ATP2A2: variants seen among roughly 807,000 people sequenced by gnomAD.
ATP2A2 encodes the protein ATPase sarcoplasmic/endoplasmic reticulum Ca2+ transporting 2, also known as sarcoplasmic/endoplasmic reticulum calcium ATPase 2.
In ATP2A2, 14 loss-of-function variants were observed where a neutral mutation model predicts 109.3. The observed-to-expected ratio is 0.13, with a 90% CI of 0.08 to 0.20. The LOEUF (loss-of-function observed/expected upper bound fraction) is 0.20, where lower values mean the gene tolerates loss of function less well. ATP2A2 is among the 10% of genes least tolerant of loss of function. The pLI is 1.00. For missense variants in ATP2A2, 657 were observed against 1,321.6 expected, an observed-to-expected ratio of 0.50 and a Z score of 7.80; for synonymous variants, 506 against 490.9, an observed-to-expected ratio of 1.03 and a Z score of -0.41.
chr12:110,285,848 T>C (rs1343799036), intron 3 of ATP2A2, among the ~76,000 whole-genome samples: 1 of 152,124 alleles, frequency 6.6e-6, no homozygotes, highest in African/African-American at 2.4e-5. Flanking sequence ...TCTCAACCTT[T>C]AGGTTACATT....
chr12:110,300,204 T>A (rs1303785231), intron 5 of ATP2A2, among the ~76,000 whole-genome samples: 5 of 134,922 alleles, frequency 3.7e-5, no homozygotes, highest in African/African-American at 5.9e-5. Context: ...TTTTTTTTTT[T>A]AACTTGGAGA....
Position 110,348,463 on chromosome 12 carries a change from T to C in ATP2A2, c.*1993T>C, listed in dbSNP as rs1880094067. Reference sequence around the variant, plus strand: ...GGATGGCCAGTAGATGTAATGCAGATGGTTGGAGTTTGGGGAGGGTTAGGA... The same window carrying C: ...GGATGGCCAGTAGATGTAATGCAGACGGTTGGAGTTTGGGGAGGGTTAGGA... On this transcript the variant is annotated 3_prime_UTR_variant, in exon 20 of 20. Coordinates refer to ENST00000539276, the MANE Select transcript of ATP2A2 (RefSeq NM_170665.4). 2 of 985,414 alleles carry C rather than the reference T, an allele frequency of 2.0e-6. No homozygotes were observed. Among genetic ancestry groups the C allele is most frequent in the Non-Finnish European group, 1.2e-6 (1 of 830,020 alleles). The allele number at this position is 985,414 out of a possible 1,614,324, so 61.0% of individuals were successfully genotyped here.
chr12:110,321,689 C>A (rs1877262914), intron 5 of ATP2A2, among the ~76,000 whole-genome samples: 1 of 152,204 alleles, frequency 6.6e-6, no homozygotes, highest in Admixed American at 6.5e-5. Flanking sequence ...CCCGCCTCAG[C>A]CTCCCAAAGT....
At position 110,336,184 on chromosome 12, in the gene ATP2A2, T is replaced by C. The variant is rs531968645; in HGVS notation, c.1419+2041T>C. Among the ~76,000 whole-genome samples, 9 of 152,292 alleles carry C rather than the reference T, an allele frequency of 5.9e-5. No homozygotes were observed. In the East Asian group the frequency reaches 1.5e-3, roughly 26 times the overall value. On this transcript the variant is annotated intron_variant, in intron 11 of 19. Transcript: ENST00000539276. ...CCATGGGGCTGCCAGTCAGTACTTT[T>C]GCAGCCTCTTTATAGGACATTGTTG...
rs1433657793 is a variant in ATP2A2, at chr12:110,346,484, A to C, written c.*14A>C. On this transcript the variant is annotated 3_prime_UTR_variant, in exon 20 of 20. Coordinates refer to ENST00000539276, the MANE Select transcript of ATP2A2 (RefSeq NM_170665.4). ...TTCTGGTCTTGACTGACAGTTTTCCATAAAGAAGATGTTTAACTTAATCAA... is the reference window on the plus strand; with the variant it reads ...TTCTGGTCTTGACTGACAGTTTTCCCTAAAGAAGATGTTTAACTTAATCAA... 6.2e-7 allele frequency: 1 copy of C among 1,614,210 alleles called. No homozygotes were observed. Among genetic ancestry groups the C allele is most frequent in the South Asian group, 1.1e-5 (1 of 91,084 alleles).
intron 18 of ATP2A2, 146 bp from the exon 19 acceptor site, chr12:110,345,855 T>C: frequency 3.7e-6 from 3 of 802,922 alleles, no homozygotes; most frequent in Non-Finnish European, 4.3e-6. Flanking sequence ...TCTTCAACTT[T>C]GCCACTGTAG....
chr12:110,285,777 C>T (rs1872594309), intron 3 of ATP2A2, among the ~76,000 whole-genome samples: 1 of 152,124 alleles, frequency 6.6e-6, no homozygotes, highest in Non-Finnish European at 1.5e-5. Flanking sequence ...ACCGTCGTTT[C>T]CCATGTCAGC....
At chr12:110,298,402 G>T (rs1322506710) in intron 5 of ATP2A2, among the ~76,000 whole-genome samples, 1 of 152,226 alleles carries the variant, frequency 6.6e-6, no homozygotes, top group East Asian at 1.9e-4. Context: ...AGAATGAAAT[G>T]TCTTGGCTAT....
At chr12:110,329,386 C>T (rs972557266) in intron 8 of ATP2A2, 4 of 152,140 alleles carry the variant, frequency 2.6e-5, no homozygotes, top group African/African-American at 9.7e-5. Context: ...TTGCTTTATT[C>T]TGTGTATTCA....
At position 110,301,985 on chromosome 12, in the gene ATP2A2, A is replaced by G. The variant is rs1396886985; in HGVS notation, c.463+5248A>G. Among the ~76,000 whole-genome samples, 2 of 152,074 alleles carry G rather than the reference A, an allele frequency of 1.3e-5. 1 individual carries two copies. Among genetic ancestry groups the G allele is most frequent in the South Asian group, 4.1e-4 (2 of 4,826 alleles). On this transcript the variant is annotated intron_variant, in intron 5 of 19. Transcript: ENST00000539276. Reference sequence around the variant, plus strand: ...ACCCTGACCTATCTCGCTTTCTCACACTGAAATTTCATTTTCTATATTGTA... The same window carrying G: ...ACCCTGACCTATCTCGCTTTCTCACGCTGAAATTTCATTTTCTATATTGTA...
At chr12:110,306,918 C>G (rs1482083424) in intron 5 of ATP2A2, among the ~76,000 whole-genome samples, 1 of 152,068 alleles carries the variant, frequency 6.6e-6, no homozygotes, top group Non-Finnish European at 1.5e-5. Context: ...CCCACCACGC[C>G]CAACTAATTT....
chr12:110,301,311 C>A lies in ATP2A2; in HGVS notation c.463+4574C>A, dbSNP rs527493752. ...CAACTGTGATACCTCAAAGCACCAT[C>A]CTTTTTGAAGAAAGAGACAAAAGCC... On this transcript the variant is annotated intron_variant, in intron 5 of 19. Coordinates refer to ENST00000539276, the MANE Select transcript of ATP2A2 (RefSeq NM_170665.4). Among the ~76,000 whole-genome samples the A allele has an allele frequency of 4.7e-4, 71 of 152,338 alleles. 1 individual carries two copies. The highest frequency in any genetic ancestry group is 2.7e-3 in the South Asian group (13 of 4,824).
In ATP2A2 at chr12:110,339,595, G is replaced by A; in HGVS notation, c.1635G>A (p.Met545Ile). 6.2e-7 allele frequency: 1 copy of A among 1,614,192 alleles called. No homozygotes were observed. Among genetic ancestry groups the A allele is most frequent in the Non-Finnish European group, 8.5e-7 (1 of 1,180,042 alleles). Residue 545 changes from methionine (M) to isoleucine (I), a missense_variant, in exon 13 of 20, where the codon ATG becomes ATA. Transcript: ENST00000539276. The surrounding 1 kb of genome is among the most constrained non-coding windows in gnomAD (Gnocchi z 4.4). ...CCTCTGGAGTCAAACAGAAGATCATGTCTGTCATTCGAGAGTGGGGTAGTG... is the reference window on the plus strand; with the variant it reads ...CCTCTGGAGTCAAACAGAAGATCATATCTGTCATTCGAGAGTGGGGTAGTG... ...PMTSGVKQKI[M>I]SVIREWGSGS...
At chr12:110,333,107 CG>C (rs144655160) in intron 9 of ATP2A2, 73 bp from the exon 10 acceptor site, 17,794 of 1,245,670 alleles carry the variant, frequency 0.014, 449 homozygotes, top group African/African-American at 0.099. Context: ...TAAACAATTG[CG>C]GGGGGGCAGG....
intron 5 of ATP2A2, among the ~76,000 whole-genome samples, chr12:110,309,882 G>A (rs564877963): frequency 4.7e-5 from 7 of 150,300 alleles, no homozygotes; most frequent in Admixed American, 2.0e-4. Flanking sequence ...GCACTCCAGC[G>A]TGGGCAACAG....
chr12:110,349,079 G>A lies in ATP2A2; in HGVS notation c.*2609G>A. On this transcript the variant is annotated 3_prime_UTR_variant, in exon 20 of 20. Coordinates refer to ENST00000539276, the MANE Select transcript of ATP2A2 (RefSeq NM_170665.4). ...CCCTCCAGCCCACAGAGGAGCCCAT[G>A]GAGGGACCCACTTCCCTTGGTCCAG... The A allele has an allele frequency of 1.0e-6, 1 of 985,524 alleles. No homozygotes were observed. Among genetic ancestry groups the A allele is most frequent in the Non-Finnish European group, 1.2e-6 (1 of 829,996 alleles). The allele number at this position is 985,524 out of a possible 1,614,324, so 61.0% of individuals were successfully genotyped here. A position where few individuals can be genotyped will look rare whatever the true frequency, so the allele number is the denominator to read the frequency against.
chr12:110,339,571 C>A lies in ATP2A2; in HGVS notation c.1611C>A (p.Thr537=). ...IRVGSTKVPM[T]SGVKQKIMSV... ...TTGGAAGTACTAAGGTTCCTATGAC[C>A]TCTGGAGTCAAACAGAAGATCATGT... Residue 537 remains threonine (T), a synonymous_variant, in exon 13 of 20, where the codon ACC becomes ACA. Coordinates refer to ENST00000539276, the MANE Select transcript of ATP2A2 (RefSeq NM_170665.4). This position sits in a 1 kb window ranked among gnomAD's most constrained non-coding sequence, Gnocchi z 4.4. 1 of 1,614,082 alleles carries A rather than the reference C, an allele frequency of 6.2e-7. No homozygotes were observed. The highest frequency in any genetic ancestry group is 1.1e-5 in the South Asian group (1 of 91,084).
chr12:110,345,699 C>T, intron 18 of ATP2A2: 1 of 569,434 alleles, frequency 1.8e-6, no homozygotes, highest in Non-Finnish European at 3.1e-6. Context: ...ATGGTACCAT[C>T]CAGTTAAGCC....
chr12:110,321,221 C>G (rs764843338), intron 5 of ATP2A2, among the ~76,000 whole-genome samples: 2 of 152,198 alleles, frequency 1.3e-5, no homozygotes, highest in East Asian at 1.9e-4. Context: ...GAGCAAGACT[C>G]TGTCTCTGAA....
Sources: allele counts gnomAD v4.1 joint callset (sites outside exome capture counted in the v4.1 genomes callset), GRCh38; gene constraint gnomAD v4.1.1; non-coding constraint Gnocchi (gnomAD v3.1); transcripts MANE v1.5; gene names NCBI Gene and HGNC (gene_info 2026-07-23, HGNC 2026-07-21).